The following SLCO3A1 variants were observed in gnomAD, a reference collection of about 807,000 sequenced individuals.
The protein encoded by SLCO3A1 is PGE1 transporter.
In SLCO3A1, 27 loss-of-function variants were observed where a neutral mutation model predicts 63.1. The ratio of observed to expected loss-of-function variants is 0.43; its 90% confidence interval spans 0.32 to 0.59. SLCO3A1 has a LOEUF of 0.59. SLCO3A1 is among the 20% of genes least tolerant of loss of function. SLCO3A1 has a pLI of 0.09. For missense variants in SLCO3A1, 773 were observed against 945.8 expected, an observed-to-expected ratio of 0.82 and a Z score of 2.40; for synonymous variants, 473 against 409.9, an observed-to-expected ratio of 1.15 and a Z score of -1.86.
At chr15:91,911,395 A>G (rs1396273173) in intron 1 of SLCO3A1, among the ~76,000 whole-genome samples, 4 of 152,120 alleles carry the variant, frequency 2.6e-5, no homozygotes, top group African/African-American at 9.7e-5. Flanking sequence ...TTAGAAACGC[A>G]TAGTCTAGAC....
intron 2 of SLCO3A1, among the ~76,000 whole-genome samples, chr15:91,935,936 G>T (rs1246410167): frequency 1.3e-5 from 2 of 152,006 alleles, no homozygotes; most frequent in Non-Finnish European, 2.9e-5. Context: ...AATTATTAAA[G>T]TTTGCACAGC....
chr15:92,094,747 C>T (rs1414087567), intron 2 of SLCO3A1, 134 bp from the exon 3 acceptor site: 7 of 604,664 alleles, frequency 1.2e-5, no homozygotes, highest in African/African-American at 1.8e-5. Flanking sequence ...CAGCCTTTCC[C>T]CTCTAGGATT....
intron 2 of SLCO3A1, among the ~76,000 whole-genome samples, chr15:92,083,095 C>T (rs1362491778): frequency 6.6e-6 from 1 of 152,188 alleles, no homozygotes; most frequent in Non-Finnish European, 1.5e-5. Context: ...GAATGCATTA[C>T]TTTTATAATC....
chr15:92,053,081 T>A (rs1391388620), intron 2 of SLCO3A1, among the ~76,000 whole-genome samples: 1 of 152,118 alleles, frequency 6.6e-6, no homozygotes, highest in Non-Finnish European at 1.5e-5. Flanking sequence ...GCCCCTAAGT[T>A]TTTCTGGACA....
At chr15:91,919,053 G>T (rs1898754818) in intron 2 of SLCO3A1, among the ~76,000 whole-genome samples, 1 of 152,186 alleles carries the variant, frequency 6.6e-6, no homozygotes, top group Non-Finnish European at 1.5e-5. Context: ...TGTCAGCAGG[G>T]AACAGAATGA....
chr15:91,925,031 G>T (rs147347598), intron 2 of SLCO3A1, among the ~76,000 whole-genome samples: 34 of 152,336 alleles, frequency 2.2e-4, no homozygotes, highest in Non-Finnish European at 2.2e-4. Context: ...CTTCCAGAAG[G>T]ATGTCAAAGA....
At chr15:91,891,252 A>G (rs1287891967) in intron 1 of SLCO3A1, among the ~76,000 whole-genome samples, 1 of 152,154 alleles carries the variant, frequency 6.6e-6, no homozygotes, top group Non-Finnish European at 1.5e-5. Context: ...GAATATTGCC[A>G]GCAGAAAGAG....
At chr15:92,088,612 G>A (rs1474744110) in intron 2 of SLCO3A1, among the ~76,000 whole-genome samples, 3 of 152,164 alleles carry the variant, frequency 2.0e-5, no homozygotes, top group Non-Finnish European at 4.4e-5. Context: ...TGCTGGCAGG[G>A]CTGTGATCCT....
chr15:91,898,938 A>C (rs1007512674), intron 1 of SLCO3A1, among the ~76,000 whole-genome samples: 2 of 152,186 alleles, frequency 1.3e-5, no homozygotes, highest in Non-Finnish European at 2.9e-5. Flanking sequence ...AGTCACAACA[A>C]ATAATGCGTA....
intron 2 of SLCO3A1, among the ~76,000 whole-genome samples, chr15:92,074,364 C>A (rs2047251152): frequency 6.6e-6 from 1 of 152,198 alleles, no homozygotes; most frequent in Admixed American, 6.5e-5. Flanking sequence ...CTGCTGTGCA[C>A]AATTTGTCTC....
rs758178317 is a variant in SLCO3A1, at chr15:92,074,779, G to C, written c.647-20102G>C. On this transcript the variant is annotated intron_variant, in intron 2 of 9. Coordinates refer to ENST00000318445, the MANE Select transcript of SLCO3A1 (RefSeq NM_013272.4). ...TCTCGAGAGAGCTGACAAGCAGGGC[G>C]GTGGGGGGTGGCCAGGAGCTGACAT... Among the ~76,000 whole-genome samples the C allele has an allele frequency of 5.7e-4, 47 of 82,120 alleles. 1 individual carries two copies. Among genetic ancestry groups the C allele is most frequent in the Admixed American group, 4.1e-3 (25 of 6,122 alleles). The allele number at this position is 82,120 out of a possible 152,430, so 53.9% of individuals were successfully genotyped here.
intron 2 of SLCO3A1, among the ~76,000 whole-genome samples, chr15:92,045,108 G>A (rs553867481): frequency 7.0e-4 from 107 of 152,104 alleles, no homozygotes; most frequent in African/African-American, 2.5e-3. Context: ...GTGAAACACC[G>A]TCTCTACTAA....
chr15:91,963,419 G>GC (rs1555418602), intron 2 of SLCO3A1, among the ~76,000 whole-genome samples: 1 of 115,544 alleles, frequency 8.7e-6, no homozygotes, highest in Admixed American at 9.1e-5. Context: ...GGGGGGGGGG[G>GC]GCGGCAGCAG....
chr15:91,916,741 T>G lies in SLCO3A1; in HGVS notation c.646+283T>G, dbSNP rs1898675676. Among the ~76,000 whole-genome samples the G allele has an allele frequency of 6.6e-6, 1 of 152,210 alleles. No homozygotes were observed. Among genetic ancestry groups the G allele is most frequent in the Non-Finnish European group, 1.5e-5 (1 of 68,028 alleles). ...ATGATCGGGAGGAGTTGTATGTTTATCTCTTCTTTTTGAGTGCGTATGTGG... is the reference window on the plus strand; with the variant it reads ...ATGATCGGGAGGAGTTGTATGTTTAGCTCTTCTTTTTGAGTGCGTATGTGG... On this transcript the variant is annotated intron_variant, in intron 2 of 9. Coordinates refer to ENST00000318445, the MANE Select transcript of SLCO3A1 (RefSeq NM_013272.4). The surrounding 1 kb of genome is among the most constrained non-coding windows in gnomAD (Gnocchi z 6.2).
chr15:92,050,076 T>C (rs567393560), intron 2 of SLCO3A1, among the ~76,000 whole-genome samples: 8 of 152,320 alleles, frequency 5.3e-5, no homozygotes, highest in East Asian at 1.9e-4. Flanking sequence ...GGGTGACCAA[T>C]AGTCAATGCT....
At chr15:91,983,040 A>G (rs1040104265) in intron 2 of SLCO3A1, among the ~76,000 whole-genome samples, 5 of 152,188 alleles carry the variant, frequency 3.3e-5, no homozygotes, top group African/African-American at 1.2e-4. Flanking sequence ...AAAGTGGATG[A>G]TCCTCTCCAG....
intron 2 of SLCO3A1, among the ~76,000 whole-genome samples, chr15:91,960,126 G>A (rs561686935): frequency 1.8e-4 from 28 of 152,206 alleles, no homozygotes; most frequent in African/African-American, 6.7e-4. Flanking sequence ...TGGGACTATA[G>A]GCGCGTGCCA....
chr15:92,164,798 C>T lies in SLCO3A1; in HGVS notation c.*1663C>T, dbSNP rs571702532. On this transcript the variant is annotated 3_prime_UTR_variant, in exon 10 of 10. Transcript: ENST00000318445. Reference sequence around the variant, plus strand: ...GTAAGAATCACGTTGGAAAACCTCTCGCAACCAGCACACTAGGCCTTCTAC... The same window carrying T: ...GTAAGAATCACGTTGGAAAACCTCTTGCAACCAGCACACTAGGCCTTCTAC... 196 of 985,402 alleles carry T rather than the reference C, an allele frequency of 2.0e-4. 2 individuals carry two copies. In the Middle Eastern group the frequency reaches 3.1e-3, roughly 16 times the overall value. 61.0% of individuals were successfully genotyped at this position (985,402 alleles called of 1,614,324 possible).
chr15:91,904,200 C>A (rs1236594598), intron 1 of SLCO3A1, among the ~76,000 whole-genome samples: 1 of 152,208 alleles, frequency 6.6e-6, no homozygotes, highest in Non-Finnish European at 1.5e-5. Context: ...GTTCACCTCT[C>A]TACTCCTGTG....
Sources: gnomAD v4.1 joint callset for allele counts (sites outside exome capture counted in the v4.1 genomes callset) on GRCh38, gnomAD v4.1.1 for gene constraint, Gnocchi (gnomAD v3.1) non-coding constraint, MANE v1.5 for transcripts, NCBI Gene and HGNC (gene_info 2026-07-23, HGNC 2026-07-21) for gene names.